Variants in STRBP observed in about 807,000 individuals in gnomAD.
STRBP encodes the protein spermatid perinuclear RNA binding protein.
STRBP carries 13 observed loss-of-function variants against 80.1 expected under a neutral mutation model. The ratio of observed to expected loss-of-function variants is 0.16; its 90% CI spans 0.11 to 0.26. The LOEUF is 0.26. Among genes scored for constraint, STRBP ranks in the 10% least tolerant of loss-of-function variants. The pLI, the probability that STRBP is intolerant of heterozygous loss-of-function variation, is 1.00. For missense variants in STRBP, 485 were observed against 815.2 expected, an observed-to-expected ratio of 0.59 and a Z score of 4.93; for synonymous variants, 284 against 291.2, an observed-to-expected ratio of 0.98 and a Z score of 0.25.
intron 2 of STRBP, among the ~76,000 whole-genome samples, chr9:123,234,699 C>T (rs1486274691): frequency 6.6e-6 from 1 of 152,138 alleles, no homozygotes; most frequent in African/African-American, 2.4e-5. Flanking sequence ...GTGGCTGATG[C>T]CTGTAATCCC....
In STRBP at chr9:123,110,659, C is replaced by T. The variant is rs2035550022; in HGVS notation, c.*85-906G>A. 5.9e-6 allele frequency: 1 copy of T among 169,454 alleles called. No individual in the cohort carries two copies. The highest frequency in any genetic ancestry group is 1.5e-5 in the Non-Finnish European group (1 of 68,248). 10.5% of individuals were successfully genotyped at this position (169,454 alleles called of 1,614,324 possible). A position where few individuals can be genotyped will look rare whatever the true frequency, so the allele number is the denominator to read the frequency against. ...TTTTGCCTCCATAAGCCCTGGTATGCTGGAAAGGACGTCCACCTGGAGGCT... is the reference window on the plus strand; with the variant it reads ...TTTTGCCTCCATAAGCCCTGGTATGTTGGAAAGGACGTCCACCTGGAGGCT... On this transcript the variant is annotated intron_variant and NMD_transcript_variant, in intron 3 of 3. Transcript: ENST00000471564. The surrounding 1 kb of genome is among the most constrained non-coding windows in gnomAD (Gnocchi z 4.1).
At chr9:123,263,301 G>A (rs1365653400) in intron 1 of STRBP, among the ~76,000 whole-genome samples, 1 of 152,056 alleles carries the variant, frequency 6.6e-6, no homozygotes, top group African/African-American at 2.4e-5. Flanking sequence ...AGGATCGCTT[G>A]AGCCCAGAAG....
At chr9:123,143,380 G>A (rs989102772) in intron 13 of STRBP, among the ~76,000 whole-genome samples, 7 of 152,240 alleles carry the variant, frequency 4.6e-5, no homozygotes, top group African/African-American at 1.7e-4. Flanking sequence ...CTGCAGCCAG[G>A]CCAGACTCAT....
At chr9:123,226,552 T>C (rs1005719986) in intron 2 of STRBP, among the ~76,000 whole-genome samples, 4 of 152,116 alleles carry the variant, frequency 2.6e-5, no homozygotes, top group African/African-American at 9.7e-5. Flanking sequence ...TAAGGGAAAC[T>C]AAGTTGTCCT....
At chr9:123,228,896 C>T (rs1423046490) in intron 2 of STRBP, among the ~76,000 whole-genome samples, 1 of 152,170 alleles carries the variant, frequency 6.6e-6, no homozygotes, top group South Asian at 2.1e-4. Flanking sequence ...CAAATGTTCA[C>T]GGCGGCATTT....
chr9:123,254,456 C>CAAAAAAAAAAAAAAAAAAAAAAAAAAAA, intron 1 of STRBP, among the ~76,000 whole-genome samples: 1 of 65,738 alleles, frequency 1.5e-5, no homozygotes, highest in Non-Finnish European at 4.5e-5. Context: ...GACTCCGTCT[C>CAAAAAAAAAAAAAAAAAAAAAAAAAAAA]AAAAAAAAAA....
chr9:123,265,640 A>G (rs2041250690), intron 1 of STRBP, among the ~76,000 whole-genome samples: 1 of 152,212 alleles, frequency 6.6e-6, no homozygotes. Flanking sequence ...GCCACAGAAC[A>G]GTGAATGAGA....
intron 13 of STRBP, among the ~76,000 whole-genome samples, chr9:123,141,800 T>C (rs2036600937): frequency 6.6e-6 from 1 of 152,216 alleles, no homozygotes; most frequent in African/African-American, 2.4e-5. Flanking sequence ...TCCAACACAG[T>C]GTAACCAAAA....
At chr9:123,176,413 A>G (rs553653455) in intron 4 of STRBP, among the ~76,000 whole-genome samples, 1 of 152,360 alleles carries the variant, frequency 6.6e-6, no homozygotes, top group Non-Finnish European at 1.5e-5. Flanking sequence ...AGAAACTTCA[A>G]TATGAGTCCT....
chr9:123,184,147 T>A lies in STRBP; in HGVS notation c.-13A>T, dbSNP rs745306828. 9 of 1,609,508 alleles carry A rather than the reference T, an allele frequency of 5.6e-6. No individual in the cohort carries two copies. Among genetic ancestry groups the A allele is most frequent in the African/African-American group, 1.3e-5 (1 of 74,868 alleles). ...AATAACCTACCATGGTTTTCTATAG[T>A]ATTTTAGCTTCTTTTTCCGATCCTT... On this transcript the variant is annotated 5_prime_UTR_variant, in exon 3 of 19. Transcript: ENST00000348403.
rs1255898668 is a variant in STRBP at position 123,139,551 on chromosome 9, G to A, written c.1475C>T (p.Thr492Ile). 3.1e-6 allele frequency: 5 copies of A among 1,611,436 alleles called. No homozygotes were observed. The highest frequency in any genetic ancestry group is 4.2e-6 in the Non-Finnish European group (5 of 1,179,318). ...NSSNNTGNST[T>I]ETSSTLEVRT... Reference sequence around the variant, plus strand: ...TACCTCTAAGGTACTGGAGGTTTCAGTTGTAGAATTTCCAGTATTATTGCT... The same window carrying A: ...TACCTCTAAGGTACTGGAGGTTTCAATTGTAGAATTTCCAGTATTATTGCT... The change falls in exon 14 of 19, where the codon ACT (threonine) becomes ATT (isoleucine). Residue 492 changes from threonine to isoleucine, a missense_variant. Physicochemically the swap from Thr to Ile is moderately conservative, Grantham distance 89. This residue lies in a region of STRBP where 377 missense variants were observed against 616.1 expected (regional missense o/e 0.61). Transcript: ENST00000348403.
intron 1 of STRBP, among the ~76,000 whole-genome samples, chr9:123,247,001 C>T (rs1034372807): frequency 6.6e-6 from 1 of 151,934 alleles, no homozygotes. Context: ...AATGTTAATC[C>T]ATTACTATTT....
chr9:123,198,386 C>T (rs1377396903), intron 2 of STRBP, among the ~76,000 whole-genome samples: 1 of 152,166 alleles, frequency 6.6e-6, no homozygotes, highest in Non-Finnish European at 1.5e-5. Context: ...GATCCACCCA[C>T]CTCAGCCTTC....
chr9:123,128,089 T>C, intron 18 of STRBP, 125 bp downstream of exon 18: 3 of 1,190,632 alleles, frequency 2.5e-6, no homozygotes, highest in Non-Finnish European at 3.6e-6. Flanking sequence ...GGAATTTAAG[T>C]TGGGTCACTA....
At chr9:123,263,431 G>A (rs1190234511) in intron 1 of STRBP, among the ~76,000 whole-genome samples, 4 of 151,194 alleles carry the variant, frequency 2.6e-5, no homozygotes, top group African/African-American at 7.3e-5. Context: ...ATGCTAAGGC[G>A]GGAGGATCAC....
intron 1 of STRBP, among the ~76,000 whole-genome samples, chr9:123,243,279 A>G (rs888319705): frequency 4.6e-5 from 7 of 150,830 alleles, no homozygotes; most frequent in Non-Finnish European, 8.9e-5. Flanking sequence ...AAAAAAAAAA[A>G]AAAAAGAAAA....
intron 1 of STRBP, among the ~76,000 whole-genome samples, chr9:123,248,811 T>C (rs1283270739): frequency 1.3e-5 from 2 of 152,228 alleles, no homozygotes; most frequent in Non-Finnish European, 2.9e-5. Context: ...CACCTTGTTA[T>C]AGAGAACTTG....
At chr9:123,203,616 T>G (rs1031933471) in intron 2 of STRBP, among the ~76,000 whole-genome samples, 2 of 152,080 alleles carry the variant, frequency 1.3e-5, no homozygotes, top group African/African-American at 4.8e-5. Context: ...ACCCCTTCTC[T>G]CACTTCTTAG....
At chr9:123,113,570 C>CGT (rs1365152242) in intron 3 of STRBP, 1 of 167,274 alleles carries the variant, frequency 6.0e-6, no homozygotes, top group African/African-American at 2.4e-5. Context: ...CAATGTCCCA[C>CGT]GTGTCACTCA....
Sources: gnomAD v4.1 joint callset for allele counts (sites outside exome capture counted in the v4.1 genomes callset) on GRCh38, gnomAD v4.1.1 for gene constraint, gnomAD v4.1.1 regional missense constraint, Gnocchi (gnomAD v3.1) non-coding constraint, MANE v1.5 for transcripts, NCBI Gene and HGNC (gene_info 2026-07-23, HGNC 2026-07-21) for gene names.